The following DDX50 variants were observed in gnomAD, a reference collection of about 807,000 sequenced individuals.
DDX50 encodes ATP-dependent RNA helicase DDX50.
A neutral mutation model predicts 94.8 loss-of-function variants in DDX50; 56 were observed. The observed-to-expected ratio is 0.59, with a 90% CI of 0.48 to 0.74. The LOEUF (loss-of-function observed/expected upper bound fraction) is 0.74. DDX50 is among the 30% of genes least tolerant of loss of function. The pLI is 0.00. For missense variants in DDX50, 713 were observed against 881.2 expected (o/e 0.81, Z 2.42); for synonymous variants, 264 against 295.4 (o/e 0.89, Z 1.09).
In DDX50 at chr10:68,911,115, C is replaced by T. The variant is rs1290866640; in HGVS notation, c.508C>T (p.Pro170Ser). The change falls in exon 4 of 15, where the codon CCT (proline) becomes TCT (serine). Residue 170 changes from proline (P) to serine (S), a missense_variant. By Grantham distance (74) the Pro-to-Ser change is moderately conservative. This residue lies in a region of DDX50 where 285 missense variants were observed against 278.9 expected (regional missense o/e 1.02). Coordinates refer to ENST00000373585, the MANE Select transcript of DDX50 (RefSeq NM_024045.2). ...TCCTATTCAAGTTAAGACCTTTGGT[C>T]CTGTATATGAAGGAAAAGATTTAAT... ...LFPIQVKTFG[P>S]VYEGKDLIAQ... 2 of 1,604,038 alleles carry T rather than the reference C, an allele frequency of 1.2e-6. No homozygotes were observed. The highest frequency in any genetic ancestry group is 1.7e-6 in the Non-Finnish European group (2 of 1,175,720).
intron 8 of DDX50, among the ~76,000 whole-genome samples, chr10:68,922,796 CTT>C (rs753989835): frequency 6.7e-5 from 9 of 133,496 alleles, no homozygotes; most frequent in Admixed American, 1.6e-4. Context: ...CTTTCTCTCT[CTT>C]TTTTTTTTTT....
chr10:68,910,439 G>T, intron 3 of DDX50, 57 bp downstream of exon 3: 1 of 1,469,824 alleles, frequency 6.8e-7, no homozygotes, highest in Non-Finnish European at 9.3e-7. Flanking sequence ...GCCTCGCTCT[G>T]TTGCCCAGGC....
At chr10:68,940,340 C>T (rs1158286811) in intron 12 of DDX50, among the ~76,000 whole-genome samples, 1 of 148,868 alleles carries the variant, frequency 6.7e-6, no homozygotes, top group Non-Finnish European at 1.5e-5. Flanking sequence ...GATCGTGCCA[C>T]TGCATTCCAA....
At chr10:68,943,144 A>G in intron 13 of DDX50, 69 bp from the exon 14 acceptor site, 1 of 1,417,356 alleles carries the variant, frequency 7.1e-7, no homozygotes. Context: ...GTCATGCATT[A>G]TTAGTAAAAC....
At chr10:68,921,468 C>A (rs112257372) in intron 8 of DDX50, among the ~76,000 whole-genome samples, 6 of 151,998 alleles carry the variant, frequency 3.9e-5, no homozygotes, top group African/African-American at 1.5e-4. Context: ...GTTCCTCTGT[C>A]TTCCATATTT....
chr10:68,906,609 G>A, intron 1 of DDX50, 102 bp from the exon 2 acceptor site: 14 of 1,310,598 alleles, frequency 1.1e-5, no homozygotes, highest in Non-Finnish European at 1.5e-5. Context: ...CAAAGTAACT[G>A]TAGATTGAGC....
chr10:68,946,439 A>C lies in DDX50; in HGVS notation c.2023A>C (p.Asn675His), dbSNP rs1488407408. 6.2e-7 allele frequency: 1 copy of C among 1,614,264 alleles called. No homozygotes were observed. The highest frequency in any genetic ancestry group is 2.2e-5 in the East Asian group (1 of 44,892). The change falls in exon 15 of 15, where the codon AAT becomes CAT. Residue 675 changes from asparagine to histidine, a missense_variant. Asn to His is a moderately conservative substitution (Grantham distance 68). Transcript: ENST00000373585. ...ATATTATGATGGAAACACATCTTCT[A>C]ATTCCAGACAGAGGAGTGGCTGGTC... Reference protein sequence around the residue: ...EEYYDGNTSSNSRQRSGWSSG... With the variant: ...EEYYDGNTSSHSRQRSGWSSG...
At chr10:68,909,816 C>A (rs922872896) in intron 2 of DDX50, among the ~76,000 whole-genome samples, 1 of 152,284 alleles carries the variant, frequency 6.6e-6, no homozygotes, top group Middle Eastern at 3.4e-3. Context: ...GCATGCGCCA[C>A]CATGCCTGGC....
intron 2 of DDX50, among the ~76,000 whole-genome samples, chr10:68,909,025 T>C (rs990482285): frequency 6.6e-6 from 1 of 152,198 alleles, no homozygotes; most frequent in Admixed American, 6.5e-5. Context: ...AAGGTCTCAC[T>C]GTATTGCTCA....
chr10:68,942,813 C>T (rs1274694271), intron 13 of DDX50, among the ~76,000 whole-genome samples: 6 of 151,866 alleles, frequency 4.0e-5, no homozygotes, highest in Admixed American at 3.9e-4. Context: ...ATGGAGTTTT[C>T]CCTATGTTGC....
chr10:68,918,916 A>G (rs900314652), intron 7 of DDX50, among the ~76,000 whole-genome samples: 2 of 152,238 alleles, frequency 1.3e-5, no homozygotes, highest in Non-Finnish European at 2.9e-5. Context: ...TGTCCTATAC[A>G]GGTGTATCAG....
rs1314490793 is a variant in DDX50, at chr10:68,911,176, C to G, written c.569C>G (p.Ser190Cys). The change falls in exon 4 of 15, where the codon TCT becomes TGT. Residue 190 changes from serine (S) to cysteine (C), a missense_variant. By Grantham distance (112) the Ser-to-Cys change is moderately radical. Coordinates refer to ENST00000373585, the MANE Select transcript of DDX50 (RefSeq NM_024045.2). ...CGGACAGGAACAGGAAAGACATTCT[C>G]TTTTGCCATCCCCTTAATTGAAAGA... ...QARTGTGKTF[S>C]FAIPLIERLQ... is the part of the protein sequence containing the mutation. 1 of 1,612,456 alleles carries G rather than the reference C, an allele frequency of 6.2e-7. No homozygotes were observed. Among genetic ancestry groups the G allele is most frequent in the Non-Finnish European group, 8.5e-7 (1 of 1,179,358 alleles).
Position 68,929,755 on chromosome 10 carries a change from C to T in DDX50, c.1240-4444C>T, listed in dbSNP as rs565727406. On this transcript the variant is annotated intron_variant, in intron 8 of 14. Transcript: ENST00000373585. ...TTTTTTTTTTTTTTTGAGATGGAGT[C>T]TCACTGTGTCGCCCAGACTGGAGTG... Among the ~76,000 whole-genome samples the T allele has an allele frequency of 2.0e-3, 247 of 124,070 alleles. 1 individual carries two copies. The highest frequency in any genetic ancestry group is 7.2e-3 in the African/African-American group (237 of 33,016). 81.4% of individuals were successfully genotyped at this position (124,070 alleles called of 152,430 possible).
intron 2 of DDX50, among the ~76,000 whole-genome samples, chr10:68,909,911 C>T (rs935332817): frequency 5.3e-5 from 8 of 152,316 alleles, no homozygotes; most frequent in Non-Finnish European, 8.8e-5. Flanking sequence ...ATCCACCTGC[C>T]TTGGCCTCCC....
At chr10:68,908,632 AT>A (rs1226661587) in intron 2 of DDX50, among the ~76,000 whole-genome samples, 16 of 134,920 alleles carry the variant, frequency 1.2e-4, no homozygotes, top group Non-Finnish European at 2.2e-4. Flanking sequence ...AGTTTTTAAA[AT>A]TTCCTTTTTT....
At chr10:68,903,998 G>C (rs1021707489) in intron 1 of DDX50, among the ~76,000 whole-genome samples, 4 of 148,692 alleles carry the variant, frequency 2.7e-5, no homozygotes, top group South Asian at 2.1e-4. Context: ...AAAAAAATTA[G>C]CTGGGCGTGG....
intron 8 of DDX50, among the ~76,000 whole-genome samples, chr10:68,929,725 CTTT>C (rs35522934): frequency 3.1e-5 from 4 of 127,244 alleles, no homozygotes; most frequent in Admixed American, 8.6e-5. Context: ...CGCCTGGCCT[CTTT>C]TTTTTTTTTT....
Position 68,914,118 on chromosome 10 carries a change from A to G in DDX50, c.1003A>G (p.Lys335Glu). Residue 335 changes from lysine to glutamate, a missense_variant, in exon 7 of 15, where the codon AAA becomes GAA. Around this residue, in one of 2 missense-constraint regions of DDX50, gnomAD observed 428 missense variants for 602.3 expected, o/e 0.71. Coordinates refer to ENST00000373585, the MANE Select transcript of DDX50 (RefSeq NM_024045.2). ...FSATCPQWVY[K>E]VAKKYMKSRY... ...TGCAACTTGCCCACAGTGGGTATAC[A>G]AAGTTGCAAAAAAATACATGAAATC... 6.2e-7 allele frequency: 1 copy of G among 1,612,444 alleles called. No homozygotes were observed. Among genetic ancestry groups the G allele is most frequent in the Non-Finnish European group, 8.5e-7 (1 of 1,179,532 alleles).
chr10:68,903,520 G>T (rs1841351018), intron 1 of DDX50, among the ~76,000 whole-genome samples: 1 of 151,838 alleles, frequency 6.6e-6, no homozygotes, highest in Non-Finnish European at 1.5e-5. Context: ...ACCAAAAAAG[G>T]CCAGGTGCGG....
Sources: allele counts gnomAD v4.1 joint callset (sites outside exome capture counted in the v4.1 genomes callset), GRCh38; gene constraint gnomAD v4.1.1; regional missense constraint gnomAD v4.1.1; transcripts MANE v1.5; gene names NCBI Gene and HGNC (gene_info 2026-07-23, HGNC 2026-07-21).